MARCHF1: variants seen among roughly 807,000 people sequenced by gnomAD.
The protein encoded by MARCHF1 is E3 ubiquitin-protein ligase MARCHF1.
In MARCHF1, 40 loss-of-function variants were observed where a neutral mutation model predicts 54.2. The ratio of observed to expected loss-of-function variants is 0.74; its 90% CI spans 0.57 to 0.96. The LOEUF (loss-of-function observed/expected upper bound fraction) is 0.96, where lower values mean the gene tolerates loss of function less well. MARCHF1 is among the 40% of genes least tolerant of loss of function. The probability of loss-of-function intolerance (pLI) is 0.00; values close to 1 mark genes in which losing one functional copy is unlikely to be tolerated. For missense variants in MARCHF1, 586 were observed against 656.5 expected, an observed-to-expected ratio of 0.89 and a Z score of 1.17; for synonymous variants, 236 against 236.3, an observed-to-expected ratio of 1.00 and a Z score of 0.01.
At chr4:164,272,639 T>C (rs1733770568) in intron 1 of MARCHF1, among the ~76,000 whole-genome samples, 1 of 152,000 alleles carries the variant, frequency 6.6e-6, no homozygotes, top group South Asian at 2.1e-4. Context: ...ATAAAAGGGA[T>C]AGAAGTAATT....
At chr4:164,058,134 T>G (rs550715190) in intron 2 of MARCHF1, among the ~76,000 whole-genome samples, 2 of 151,934 alleles carry the variant, frequency 1.3e-5, no homozygotes, top group South Asian at 4.2e-4. Flanking sequence ...AGTTGGGGGC[T>G]AGGGGAGGGA....
intron 4 of MARCHF1, among the ~76,000 whole-genome samples, chr4:163,810,320 T>C (rs1407940783): frequency 6.6e-6 from 1 of 152,232 alleles, no homozygotes; most frequent in Admixed American, 6.5e-5. Context: ...ATAATATTTT[T>C]TAAAATTATT....
chr4:163,533,083 T>C (rs2110870604), intron 9 of MARCHF1, among the ~76,000 whole-genome samples: 1 of 152,136 alleles, frequency 6.6e-6, no homozygotes. Flanking sequence ...TTCATATATT[T>C]GTTCAAAGCT....
chr4:164,291,835 A>G (rs1560989946), intron 1 of MARCHF1, among the ~76,000 whole-genome samples: 1 of 152,050 alleles, frequency 6.6e-6, no homozygotes, highest in Non-Finnish European at 1.5e-5. Context: ...TGGAAGCATC[A>G]TTATGTGGGC....
rs530714131 is a variant in MARCHF1, at chr4:163,712,554, C to G, written c.112-11691G>C. On this transcript the variant is annotated intron_variant, in intron 4 of 9. Coordinates refer to ENST00000514618, the MANE Select transcript of MARCHF1 (RefSeq NM_001394959.1). The stretch of plus-strand genomic sequence containing the variant: ...ACTTCAAACCTTTTTGTTCCAGTCT[C>G]ATGCCTGACTTCTCTTCTTGCGTCT... Among the ~76,000 whole-genome samples the G allele has an allele frequency of 2.0e-5, 3 of 152,310 alleles. No individual in the cohort carries two copies. In the South Asian group the frequency reaches 6.2e-4, roughly 32 times the overall value.
chr4:164,265,007 A>T (rs1331945661), intron 1 of MARCHF1, among the ~76,000 whole-genome samples: 1 of 151,446 alleles, frequency 6.6e-6, no homozygotes, highest in Non-Finnish European at 1.5e-5. Flanking sequence ...CCTAATTATG[A>T]TTTCTTTGTA....
At chr4:164,256,192 C>T (rs1733274687) in intron 1 of MARCHF1, among the ~76,000 whole-genome samples, 2 of 151,462 alleles carry the variant, frequency 1.3e-5, no homozygotes, top group African/African-American at 4.8e-5. Flanking sequence ...TCACTGATCA[C>T]AATACAATAA....
intron 3 of MARCHF1, among the ~76,000 whole-genome samples, chr4:163,946,636 G>A (rs1752031706): frequency 6.6e-6 from 1 of 152,110 alleles, no homozygotes; most frequent in Non-Finnish European, 1.5e-5. Flanking sequence ...TGGTAGACAA[G>A]ACCATGCATA....
chr4:164,361,990 T>G (rs2110927880), intron 1 of MARCHF1, among the ~76,000 whole-genome samples: 1 of 152,248 alleles, frequency 6.6e-6, no homozygotes, highest in Admixed American at 6.5e-5. Flanking sequence ...GGGGATACAC[T>G]TAAGCTCATG....
intron 2 of MARCHF1, among the ~76,000 whole-genome samples, chr4:164,014,017 T>A (rs562779588): frequency 2.6e-5 from 4 of 151,860 alleles, no homozygotes; most frequent in Admixed American, 2.6e-4. Context: ...TGAAACCCCA[T>A]CTCTACTAAA....
At chr4:164,151,314 CA>C (rs1729930658) in intron 1 of MARCHF1, among the ~76,000 whole-genome samples, 1 of 152,136 alleles carries the variant, frequency 6.6e-6, no homozygotes, top group Non-Finnish European at 1.5e-5. Flanking sequence ...GTTGCAAGTC[CA>C]TTTGTTCATT....
chr4:164,175,217 C>A (rs1054359199), intron 1 of MARCHF1, among the ~76,000 whole-genome samples: 1 of 151,994 alleles, frequency 6.6e-6, no homozygotes, highest in Non-Finnish European at 1.5e-5. Flanking sequence ...TAATTCACTG[C>A]AATTATGACT....
intron 1 of MARCHF1, among the ~76,000 whole-genome samples, chr4:164,360,335 G>GGGAAT (rs1441566409): frequency 1.3e-5 from 2 of 152,080 alleles, no homozygotes; most frequent in African/African-American, 4.8e-5. Context: ...AGTGAAGAAG[G>GGGAAT]GGAATTCTAG....
chr4:163,650,703 C>G (rs1742933238), intron 5 of MARCHF1, among the ~76,000 whole-genome samples: 1 of 151,916 alleles, frequency 6.6e-6, no homozygotes, highest in Admixed American at 6.6e-5. Context: ...AAAAATTTCA[C>G]AATAGGTAAT....
intron 5 of MARCHF1, among the ~76,000 whole-genome samples, chr4:163,639,827 A>T (rs1742489514): frequency 6.6e-6 from 1 of 152,134 alleles, no homozygotes; most frequent in African/African-American, 2.4e-5. Context: ...GGTAGCTGTG[A>T]TCAGTTTTAA....
At chr4:163,689,411 ACTTT>A (rs1744371539) in intron 5 of MARCHF1, among the ~76,000 whole-genome samples, 1 of 152,238 alleles carries the variant, frequency 6.6e-6, no homozygotes, top group African/African-American at 2.4e-5. Context: ...GTCTGATAGA[ACTTT>A]CTGTGATGAT....
At chr4:164,185,809 C>CAA (rs33914299) in intron 1 of MARCHF1, among the ~76,000 whole-genome samples, 193 of 149,616 alleles carry the variant, frequency 1.3e-3, no homozygotes, top group African/African-American at 3.6e-3. Context: ...CACACACACA[C>CAA]AAAAAAAAAA....
At chr4:164,251,670 T>C (rs570816274) in intron 1 of MARCHF1, among the ~76,000 whole-genome samples, 1 of 152,300 alleles carries the variant, frequency 6.6e-6, no homozygotes, top group Non-Finnish European at 1.5e-5. Flanking sequence ...TAATTCACAG[T>C]GATTTTGAAA....
chr4:163,940,270 A>G lies in MARCHF1; in HGVS notation c.-39+48231T>C, dbSNP rs143435818. Among the ~76,000 whole-genome samples, 1,406 of 152,242 alleles carry G rather than the reference A, an allele frequency of 9.2e-3. 22 individuals are homozygous for G. The highest frequency in any genetic ancestry group is 0.031 in the African/African-American group (1,293 of 41,540). On this transcript the variant is annotated intron_variant, in intron 3 of 9. Coordinates refer to ENST00000514618, the MANE Select transcript of MARCHF1 (RefSeq NM_001394959.1). ...ATTATATAATGGCAGTTTGCAAATG[A>G]CTAAGAAAAGGAGTTCAAGCCACCT...
Sources: gnomAD v4.1 joint callset for allele counts (sites outside exome capture counted in the v4.1 genomes callset) on GRCh38, gnomAD v4.1.1 for gene constraint, MANE v1.5 for transcripts, NCBI Gene and HGNC (gene_info 2026-07-23, HGNC 2026-07-21) for gene names.